The following SCARB2 variants were observed in gnomAD, a reference collection of about 807,000 sequenced individuals.
SCARB2 encodes lysosome membrane protein 2.
In SCARB2, 29 loss-of-function variants were observed where a neutral mutation model predicts 58.6. The ratio of observed to expected loss-of-function variants is 0.49; its 90% CI spans 0.37 to 0.67. The LOEUF (loss-of-function observed/expected upper bound fraction) is 0.67. Ranked by LOEUF, SCARB2 falls within the 30% of genes least tolerant of loss-of-function variation. SCARB2 has a pLI of 0.00. For missense variants in SCARB2, 488 were observed against 578.5 expected, an observed-to-expected ratio of 0.84 and a Z score of 1.60; for synonymous variants, 195 against 210.1, an observed-to-expected ratio of 0.93 and a Z score of 0.62.
chr4:76,174,576 T>C (rs1255976899), intron 6 of SCARB2: 5 of 433,962 alleles, frequency 1.2e-5, no homozygotes, highest in Non-Finnish European at 1.7e-5. Flanking sequence ...GATGATAACA[T>C]TTAGAATGGA....
At chr4:76,212,365 G>A (rs934011734) in intron 1 of SCARB2, among the ~76,000 whole-genome samples, 7 of 152,102 alleles carry the variant, frequency 4.6e-5, no homozygotes, top group Non-Finnish European at 7.4e-5. Flanking sequence ...GCCTTTAACT[G>A]CCAGATTTCA....
chr4:76,178,002 A>C (rs182633198), intron 4 of SCARB2, among the ~76,000 whole-genome samples: 1 of 152,334 alleles, frequency 6.6e-6, no homozygotes, highest in African/African-American at 2.4e-5. Context: ...TGAATTGTAC[A>C]TTTTAAAATG....
intron 1 of SCARB2, among the ~76,000 whole-genome samples, chr4:76,224,433 T>C (rs1490797516): frequency 6.6e-6 from 1 of 152,230 alleles, no homozygotes; most frequent in Non-Finnish European, 1.5e-5. Flanking sequence ...TTCAAAGGGT[T>C]CACTCCCAAG....
At chr4:76,217,884 A>G (rs1435299377), upstream of SCARB2, among the ~76,000 whole-genome samples, 1 of 152,264 alleles carries the variant, frequency 6.6e-6, no homozygotes, top group Non-Finnish European at 1.5e-5. Context: ...CTTTCTTCAC[A>G]GACTCTAAGG....
intron 1 of SCARB2, among the ~76,000 whole-genome samples, chr4:76,212,042 G>A (rs1053078977): frequency 4.6e-5 from 7 of 152,078 alleles, no homozygotes; most frequent in Non-Finnish European, 7.4e-5. Flanking sequence ...TGGGAACCAC[G>A]GGGAAGATCA....
At chr4:76,178,538 A>G (rs958910746) in intron 4 of SCARB2, among the ~76,000 whole-genome samples, 3 of 152,238 alleles carry the variant, frequency 2.0e-5, no homozygotes, top group African/African-American at 7.2e-5. Flanking sequence ...CCTTTGCATA[A>G]TATCTCTCAG....
chr4:76,162,600 A>T (rs1731922209), intron 11 of SCARB2: 1 of 156,996 alleles, frequency 6.4e-6, no homozygotes, highest in African/African-American at 2.4e-5. Flanking sequence ...TACCTAAATC[A>T]TAGGTATCTT....
intron 11 of SCARB2, 131 bp from the exon 12 acceptor site, chr4:76,161,882 C>T: frequency 4.9e-6 from 4 of 812,996 alleles, no homozygotes; most frequent in South Asian, 2.9e-5. Flanking sequence ...ATCTCACTCA[C>T]CTCCCCTCTT....
chr4:76,213,680 T>A lies in SCARB2; in HGVS notation c.-137A>T, dbSNP rs1733127133. The A allele has an allele frequency of 2.9e-6, 2 of 680,668 alleles. No individual in the cohort carries two copies. Among genetic ancestry groups the A allele is most frequent in the Non-Finnish European group, 5.0e-6 (2 of 400,216 alleles). The allele number at this position is 680,668 out of a possible 1,614,324, so 42.2% of individuals were successfully genotyped here. A position where few individuals can be genotyped will look rare whatever the true frequency, so the allele number is the denominator to read the frequency against. On this transcript the variant is annotated 5_prime_UTR_variant, in exon 1 of 12. Coordinates refer to ENST00000264896, the MANE Select transcript of SCARB2 (RefSeq NM_005506.4). ...CCACGCCCTCCCGGCGCACGGTTCG[T>A]GCGCGCAGCTCTGGGCTCCGCGGCC...
At chr4:76,169,658 G>A (rs769753455) in intron 8 of SCARB2, among the ~76,000 whole-genome samples, 24 of 152,130 alleles carry the variant, frequency 1.6e-4, no homozygotes, top group Non-Finnish European at 3.2e-4. Context: ...AGGTTTGCTC[G>A]TATTTCTGCT....
chr4:76,191,327 C>T (rs959542430), intron 2 of SCARB2, among the ~76,000 whole-genome samples: 2 of 152,152 alleles, frequency 1.3e-5, no homozygotes, highest in Non-Finnish European at 2.9e-5. Context: ...AATTAATCTA[C>T]GAAGACCAAT....
intron 1 of SCARB2, among the ~76,000 whole-genome samples, chr4:76,201,340 T>C (rs927466061): frequency 4.6e-5 from 7 of 152,226 alleles, no homozygotes; most frequent in African/African-American, 1.7e-4. Flanking sequence ...GGAAAATGTG[T>C]TCATTAGTCT....
chr4:76,166,311 CAA>C lies in SCARB2; in HGVS notation c.1188-12_1188-11del. 6.2e-7 allele frequency: 1 copy of C among 1,613,960 alleles called. No homozygotes were observed. Among genetic ancestry groups the C allele is most frequent in the Admixed American group, 1.7e-5 (1 of 60,022 alleles). Reference sequence around the variant, plus strand: ...AATGTCTCCCGTTTCACTACAAAGACAAAGGATGAGATTGTTTCAGAAACATC... The same window carrying C: ...AATGTCTCCCGTTTCACTACAAAGACAGGATGAGATTGTTTCAGAAACATC... On this transcript the variant is annotated splice_polypyrimidine_tract_variant and intron_variant, in intron 9 of 11. Coordinates refer to ENST00000264896, the MANE Select transcript of SCARB2 (RefSeq NM_005506.4).
intron 1 of SCARB2, among the ~76,000 whole-genome samples, chr4:76,233,586 G>GCA (rs34421184): frequency 3.3e-5 from 5 of 150,762 alleles, no homozygotes; most frequent in South Asian, 2.1e-4. Flanking sequence ...ACACACACAC[G>GCA]CACACACACA....
intron 2 of SCARB2, among the ~76,000 whole-genome samples, chr4:76,190,416 A>G (rs1203684107): frequency 6.6e-6 from 1 of 152,234 alleles, no homozygotes; most frequent in Non-Finnish European, 1.5e-5. Flanking sequence ...CAAGAGAGGT[A>G]GCGCTGAGGA....
chr4:76,164,774 A>C (rs1014297715), intron 10 of SCARB2: 1 of 149,284 alleles, frequency 6.7e-6, no homozygotes, highest in African/African-American at 2.5e-5. Context: ...GTAGAGGGTG[A>C]GAGTGAGACC....
At chr4:76,210,408 T>C (rs545774413) in intron 1 of SCARB2, among the ~76,000 whole-genome samples, 1 of 152,306 alleles carries the variant, frequency 6.6e-6, no homozygotes, top group South Asian at 2.1e-4. Context: ...GCATTTAATA[T>C]GTATCTCAGG....
chr4:76,164,033 G>A (rs1006632037), intron 10 of SCARB2: 1 of 154,378 alleles, frequency 6.5e-6, no homozygotes, highest in Admixed American at 6.4e-5. Flanking sequence ...TCTACAGAAA[G>A]TGCTCAGCAA....
intron 6 of SCARB2, 173 bp from the exon 7 acceptor site, chr4:76,174,486 T>C (rs996616320): frequency 8.5e-5 from 54 of 636,476 alleles, no homozygotes; most frequent in Non-Finnish European, 1.4e-4. Context: ...AAGCAGAAGA[T>C]GAATTGTAGT....
Sources: allele counts gnomAD v4.1 joint callset (sites outside exome capture counted in the v4.1 genomes callset), GRCh38; gene constraint gnomAD v4.1.1; transcripts MANE v1.5; gene names NCBI Gene and HGNC (gene_info 2026-07-23, HGNC 2026-07-21).